The following SFT2D1 variants were observed in gnomAD, a reference collection of about 807,000 sequenced individuals.
The protein encoded by SFT2D1 is SFT2 domain containing 1.
SFT2D1 carries 24 observed loss-of-function variants against 28.1 expected under a neutral mutation model. The ratio of observed to expected loss-of-function variants is 0.85; its 90% CI spans 0.62 to 1.20. SFT2D1 has a LOEUF of 1.20. Ranked by LOEUF, SFT2D1 falls within the 50% of genes most tolerant of loss-of-function variation. The pLI, the probability that SFT2D1 is intolerant of heterozygous loss-of-function variation, is 0.00. For missense variants in SFT2D1, 181 were observed against 190.9 expected (o/e 0.95, Z 0.31); for synonymous variants, 82 against 73.7 (o/e 1.11, Z -0.58).
At chr6:166,335,262 C>T (rs1246729166) in intron 1 of SFT2D1, 3 of 584,474 alleles carry the variant, frequency 5.1e-6, no homozygotes, top group East Asian at 4.3e-5. Context: ...GCTTTGGTGG[C>T]AGCTGTCCAC....
chr6:166,337,348 C>A (rs1241070933), intron 1 of SFT2D1, among the ~76,000 whole-genome samples: 2 of 152,228 alleles, frequency 1.3e-5, no homozygotes, highest in Non-Finnish European at 2.9e-5. Flanking sequence ...AAGTCACTTC[C>A]GTGTCCTTAA....
At chr6:166,338,915 G>A (rs1224669483) in intron 1 of SFT2D1, among the ~76,000 whole-genome samples, 1 of 152,100 alleles carries the variant, frequency 6.6e-6, no homozygotes, top group African/African-American at 2.4e-5. Context: ...GCCTGCATAG[G>A]AGGATGATGC....
chr6:166,322,817 G>A, intron 7 of SFT2D1, 40 bp downstream of exon 7: 1 of 1,555,834 alleles, frequency 6.4e-7, no homozygotes, highest in Non-Finnish European at 8.8e-7. Context: ...GTGAAGATAA[G>A]TAAAGAACCA....
In SFT2D1 at chr6:166,320,176, G is replaced by T; in HGVS notation, c.*41C>A. On this transcript the variant is annotated 3_prime_UTR_variant, in exon 8 of 8. Coordinates refer to ENST00000361731, the MANE Select transcript of SFT2D1 (RefSeq NM_145169.3). ...AAAAGCAAACTTCACCAAACATAGA[G>T]TACCAACATTCAAGTGCTCTTTTCC... The T allele has an allele frequency of 6.3e-7, 1 of 1,596,834 alleles. No individual in the cohort carries two copies. Among genetic ancestry groups the T allele is most frequent in the Non-Finnish European group, 8.6e-7 (1 of 1,167,146 alleles).
At chr6:166,320,462 T>G (rs1290556963) in intron 7 of SFT2D1, among the ~76,000 whole-genome samples, 2 of 152,218 alleles carry the variant, frequency 1.3e-5, no homozygotes, top group Non-Finnish European at 2.9e-5. Context: ...ATGGTATTTA[T>G]CTTAAGAAAT....
In SFT2D1 at chr6:166,328,319, T is replaced by G; in HGVS notation, c.272A>C (p.Lys91Thr). The G allele has an allele frequency of 1.4e-5, 22 of 1,599,130 alleles. No homozygotes were observed. The highest frequency in any genetic ancestry group is 1.9e-5 in the Non-Finnish European group (22 of 1,173,292). ...AAGCAATCTTGTTGCTTCAAACATTTTCTTCAGTTGCTTCACAGGTCCCAT... is the reference window on the plus strand; with the variant it reads ...AAGCAATCTTGTTGCTTCAAACATTGTCTTCAGTTGCTTCACAGGTCCCAT... ...FLMGPVKQLKKMFEATRLLAT... is the reference protein window; with the variant it reads ...FLMGPVKQLKTMFEATRLLAT... Residue 91 changes from lysine to threonine, a missense_variant, in exon 4 of 8, where the codon AAA becomes ACA. Coordinates refer to ENST00000361731, the MANE Select transcript of SFT2D1 (RefSeq NM_145169.3).
rs764881645 is a variant in SFT2D1 at position 166,320,266 on chromosome 6, A to C, written c.441-10T>G. 6.2e-7 allele frequency: 1 copy of C among 1,608,954 alleles called. No homozygotes were observed. Among genetic ancestry groups the C allele is most frequent in the South Asian group, 1.1e-5 (1 of 89,868 alleles). On this transcript the variant is annotated splice_polypyrimidine_tract_variant and intron_variant, in intron 7 of 7. Transcript: ENST00000361731. ...TTTAATAACTGCATCCCTGGTGGAA[A>C]AGAGAGGGAAAAAAACAGAATATAA...
At chr6:166,334,796 G>A (rs561759756) in intron 1 of SFT2D1, 89 of 411,684 alleles carry the variant, frequency 2.2e-4, no homozygotes, top group African/African-American at 1.4e-3. Flanking sequence ...AGGTGGATGC[G>A]CCATGAATGC....
At chr6:166,330,698 T>C (rs1025740561) in intron 1 of SFT2D1, among the ~76,000 whole-genome samples, 2 of 152,210 alleles carry the variant, frequency 1.3e-5, no homozygotes, top group Non-Finnish European at 2.9e-5. Context: ...GGCTCCTAGA[T>C]GCCAGAGTCT....
chr6:166,322,974 T>C, intron 6 of SFT2D1, 88 bp from the exon 7 acceptor site: 3 of 1,056,666 alleles, frequency 2.8e-6, no homozygotes, highest in Non-Finnish European at 1.5e-6. Flanking sequence ...TTATAATAAA[T>C]ACAGCAGCAT....
intron 3 of SFT2D1, 115 bp from the exon 4 acceptor site, chr6:166,328,472 T>A (rs1309298792): frequency 1.7e-6 from 1 of 577,776 alleles, no homozygotes. Flanking sequence ...TTAAAATCTC[T>A]CACTAAAATT....
chr6:166,329,566 C>A lies in SFT2D1; in HGVS notation c.174G>T (p.Pro58=). Residue 58 remains proline, a synonymous_variant, in exon 3 of 8, where the codon CCG becomes CCT. Coordinates refer to ENST00000361731, the MANE Select transcript of SFT2D1 (RefSeq NM_145169.3). Reference sequence around the variant, plus strand: ...ACACTGCAAAAAGCTTTATGCCGCCCGGAAGCCACAGCAATCCAGTTCCCT... The same window carrying A: ...ACACTGCAAAAAGCTTTATGCCGCCAGGAAGCCACAGCAATCCAGTTCCCT... ...SILGTGLLWL[P]GGIKLFAVFY... 6.2e-7 allele frequency: 1 copy of A among 1,606,564 alleles called. No individual in the cohort carries two copies. The highest frequency in any genetic ancestry group is 8.5e-7 in the Non-Finnish European group (1 of 1,174,918).
At position 166,322,867 on chromosome 6, in the gene SFT2D1, G is replaced by C. The variant is rs1243386227; in HGVS notation, c.430C>G (p.Pro144Ala). Residue 144 changes from proline to alanine, a missense_variant, in exon 7 of 8, where the codon CCA becomes GCA. Physicochemically the swap from Pro to Ala is conservative, Grantham distance 27 (BLOSUM62 -1). Transcript: ENST00000361731. The part of the protein sequence containing the change: ...SMTWYSLSYI[P>A]YARDAVIKCC... ...TTCAAACAAGCTTACCTTGCATATG[G>C]GATGTACGACAGGCTATACCTGCAA... The C allele has an allele frequency of 2.5e-6, 4 of 1,611,626 alleles. No homozygotes were observed.
At chr6:166,327,193 G>A (rs1235855663) in intron 4 of SFT2D1, among the ~76,000 whole-genome samples, 5 of 152,142 alleles carry the variant, frequency 3.3e-5, no homozygotes, top group African/African-American at 1.2e-4. Flanking sequence ...AGTTATAATG[G>A]TAACATTTAA....
intron 7 of SFT2D1, 106 bp downstream of exon 7, chr6:166,322,751 A>C (rs1778380309): frequency 3.2e-6 from 3 of 940,742 alleles, no homozygotes; most frequent in Non-Finnish European, 4.9e-6. Flanking sequence ...ATCAACCAAA[A>C]AAAAAGGGTT....
chr6:166,329,442 G>A, intron 3 of SFT2D1, 65 bp downstream of exon 3: 2 of 1,368,084 alleles, frequency 1.5e-6, no homozygotes, highest in East Asian at 4.6e-5. Context: ...TACTGGGAAA[G>A]TGCTTATTAG....
At chr6:166,322,640 G>A (rs1197257089) in intron 7 of SFT2D1, among the ~76,000 whole-genome samples, 5 of 141,138 alleles carry the variant, frequency 3.5e-5, no homozygotes, top group African/African-American at 5.3e-5. Context: ...ACAGTGAGCC[G>A]AGATGGTGCC....
chr6:166,335,429 A>G (rs1234023292), intron 1 of SFT2D1: 17 of 562,062 alleles, frequency 3.0e-5, no homozygotes, highest in South Asian at 2.1e-4. Context: ...CTTTGGAGGC[A>G]GAAGCTCTGG....
At chr6:166,325,417 T>C (rs1397233068) in intron 5 of SFT2D1, among the ~76,000 whole-genome samples, 3 of 152,204 alleles carry the variant, frequency 2.0e-5, no homozygotes, top group African/African-American at 7.2e-5. Flanking sequence ...AAAAATATGA[T>C]GTAGAATCAG....
Sources: allele counts gnomAD v4.1 joint callset (sites outside exome capture counted in the v4.1 genomes callset), GRCh38; gene constraint gnomAD v4.1.1; transcripts MANE v1.5; gene names NCBI Gene and HGNC (gene_info 2026-07-23, HGNC 2026-07-21).